Variants in ARHGAP31 observed in about 807,000 individuals in gnomAD.
ARHGAP31 encodes the protein Rho GTPase activating protein 31.
Under a neutral mutation model 113.9 loss-of-function variants are expected in ARHGAP31, and 34 were observed. The observed-to-expected ratio is 0.30, with a 90% CI of 0.23 to 0.40. The LOEUF (loss-of-function observed/expected upper bound fraction) is 0.40. ARHGAP31 is among the 10% of genes least tolerant of loss of function. The pLI, the probability that ARHGAP31 is intolerant of heterozygous loss-of-function variation, is 1.00. For synonymous variants in ARHGAP31, 650 were observed against 684.8 expected (o/e 0.95, Z 0.79); for missense variants, 1,548 against 1,767.1 (o/e 0.88, Z 2.22).
chr3:119,392,235 C>G (rs1295832137), intron 7 of ARHGAP31, among the ~76,000 whole-genome samples: 2 of 152,110 alleles, frequency 1.3e-5, no homozygotes, highest in African/African-American at 4.8e-5. Context: ...ATCGTTTGAG[C>G]CCAGGAGTTT....
In ARHGAP31 at chr3:119,294,587, GA is replaced by G. The variant is rs2079515327; in HGVS notation, c.-316del. On this transcript the variant is annotated 5_prime_UTR_variant, in exon 1 of 12. Transcript: ENST00000264245. ...CCTCTTAAGCTGAGGAGAAACACCC[GA>G]AGACACCGCAGGAGCCTGTGAAAGT... 6 of 516,174 alleles carry G rather than the reference GA, an allele frequency of 1.2e-5. No homozygotes were observed. The highest frequency in any genetic ancestry group is 3.9e-5 in the Admixed American group (1 of 25,490). The allele number at this position is 516,174 out of a possible 1,614,324, so 32.0% of individuals were successfully genotyped here.
Position 119,369,696 on chromosome 3 carries a change from A to T in ARHGAP31, c.348+1180A>T, listed in dbSNP as rs76091823. ...TCAAATGCTAATTGAAGAAAAACTAAATGCACAACTGTATATTAAGAAAGG... is the reference window on the plus strand; with the variant it reads ...TCAAATGCTAATTGAAGAAAAACTATATGCACAACTGTATATTAAGAAAGG... On this transcript the variant is annotated intron_variant, in intron 3 of 11. Transcript: ENST00000264245. Among the ~76,000 whole-genome samples, 1,252 of 152,356 alleles carry T rather than the reference A, an allele frequency of 8.2e-3. 39 individuals carry two copies. The East Asian group carries it at 0.11, about 13-fold the overall frequency.
At chr3:119,311,711 T>C (rs894548645) in intron 1 of ARHGAP31, among the ~76,000 whole-genome samples, 3 of 152,170 alleles carry the variant, frequency 2.0e-5, no homozygotes, top group African/African-American at 7.2e-5. Context: ...TTATCAGGCA[T>C]TGGATCAGCT....
chr3:119,369,536 T>C (rs2080278690), intron 3 of ARHGAP31, among the ~76,000 whole-genome samples: 1 of 152,224 alleles, frequency 6.6e-6, no homozygotes, highest in African/African-American at 2.4e-5. Flanking sequence ...TCATGGCTCC[T>C]GTAATAAATT....
At chr3:119,317,819 GATT>G (rs1386718401) in intron 1 of ARHGAP31, among the ~76,000 whole-genome samples, 1 of 152,156 alleles carries the variant, frequency 6.6e-6, no homozygotes, top group Non-Finnish European at 1.5e-5. Context: ...CATGGGGTAA[GATT>G]ATTCTCTAAG....
chr3:119,324,871 G>C (rs1024352180), intron 1 of ARHGAP31: 5 of 450,436 alleles, frequency 1.1e-5, no homozygotes, highest in Non-Finnish European at 1.8e-5. Context: ...AATAAACCAA[G>C]GTCTCTTGGT....
intron 1 of ARHGAP31, among the ~76,000 whole-genome samples, chr3:119,344,716 A>C (rs1213358945): frequency 6.7e-6 from 1 of 148,506 alleles, no homozygotes; most frequent in African/African-American, 2.5e-5. Flanking sequence ...GGCAGCCTCA[A>C]CCTCCCCCCA....
intron 1 of ARHGAP31, among the ~76,000 whole-genome samples, chr3:119,346,840 A>C (rs1216779041): frequency 6.6e-6 from 1 of 152,182 alleles, no homozygotes; most frequent in Admixed American, 6.5e-5. Flanking sequence ...TGCTGCTGTC[A>C]AGCTGGGTGA....
At chr3:119,379,863 C>T (rs1426384084) in intron 3 of ARHGAP31, among the ~76,000 whole-genome samples, 1 of 152,142 alleles carries the variant, frequency 6.6e-6, no homozygotes, top group Admixed American at 6.5e-5. Context: ...TACCATGGAC[C>T]TCAGGTTCAG....
rs1285356062 is a variant in ARHGAP31 at position 119,401,992 on chromosome 3, A to T, written c.1240A>T (p.Ser414Cys). The T allele has an allele frequency of 2.5e-6, 4 of 1,614,096 alleles. No homozygotes were observed. The Admixed American group carries it at 6.7e-5, about 27-fold the overall frequency. ...CGGGGCTGAGGGTGGCTTTGATGTGAGCAGTGATCGCAGCCATCTCCAGGG... is the reference window on the plus strand; with the variant it reads ...CGGGGCTGAGGGTGGCTTTGATGTGTGCAGTGATCGCAGCCATCTCCAGGG... ...PPGAEGGFDVSSDRSHLQGAQ... is the reference protein window; with the variant it reads ...PPGAEGGFDVCSDRSHLQGAQ... Residue 414 changes from serine to cysteine, a missense_variant, in exon 10 of 12, where the codon AGC becomes TGC. Physicochemically the swap from Ser to Cys is moderately radical, Grantham distance 112. Coordinates refer to ENST00000264245, the MANE Select transcript of ARHGAP31 (RefSeq NM_020754.4).
At chr3:119,349,387 C>T (rs776707592) in intron 1 of ARHGAP31, among the ~76,000 whole-genome samples, 5 of 152,142 alleles carry the variant, frequency 3.3e-5, no homozygotes, top group Non-Finnish European at 7.4e-5. Flanking sequence ...TTTGAGGTTA[C>T]AGTAAAAGCC....
At chr3:119,323,091 G>T (rs2079807332) in intron 1 of ARHGAP31, among the ~76,000 whole-genome samples, 1 of 152,202 alleles carries the variant, frequency 6.6e-6, no homozygotes, top group Admixed American at 6.5e-5. Flanking sequence ...TCTGCTCTGC[G>T]CGCCGCAGCT....
rs1479967009 is a variant in ARHGAP31, at chr3:119,402,011, T to C, written c.1259T>C (p.Leu420Pro). ...GFDVSSDRSHLQGAQARPPPE... is the reference protein window; with the variant it reads ...GFDVSSDRSHPQGAQARPPPE... ...GATGTGAGCAGTGATCGCAGCCATCTCCAGGGCGCTCAGGCCCGGCCCCCA... is the reference window on the plus strand; with the variant it reads ...GATGTGAGCAGTGATCGCAGCCATCCCCAGGGCGCTCAGGCCCGGCCCCCA... Residue 420 changes from leucine to proline, a missense_variant, in exon 10 of 12, where the codon CTC becomes CCC. Coordinates refer to ENST00000264245, the MANE Select transcript of ARHGAP31 (RefSeq NM_020754.4). 1.9e-6 allele frequency: 3 copies of C among 1,614,078 alleles called. No individual in the cohort carries two copies. The South Asian group carries it at 3.3e-5, about 18-fold the overall frequency.
At chr3:119,364,484 G>C (rs577588136) in intron 1 of ARHGAP31, among the ~76,000 whole-genome samples, 1 of 152,280 alleles carries the variant, frequency 6.6e-6, no homozygotes, top group East Asian at 1.9e-4. Context: ...AGTGACTTAA[G>C]TAAATTTGCC....
intron 1 of ARHGAP31, among the ~76,000 whole-genome samples, chr3:119,347,388 A>G (rs74813720): frequency 0.047 from 7,151 of 152,304 alleles, 464 homozygotes; most frequent in African/African-American, 0.14. Context: ...TCAATTAAGT[A>G]TTAATAGCGA....
chr3:119,337,221 G>A (rs114187843), intron 1 of ARHGAP31, among the ~76,000 whole-genome samples: 3,232 of 152,256 alleles, frequency 0.021, 79 homozygotes, highest in South Asian at 0.068. Flanking sequence ...TCCTTCTGAT[G>A]TTCGGACATC....
chr3:119,381,051 T>C, intron 4 of ARHGAP31, 65 bp downstream of exon 4: 1 of 1,467,116 alleles, frequency 6.8e-7, no homozygotes, highest in Non-Finnish European at 9.5e-7. Context: ...AGAGACAGGC[T>C]GGCATCATGG....
At chr3:119,396,829 T>G (rs1454936340) in intron 8 of ARHGAP31, among the ~76,000 whole-genome samples, 2 of 152,056 alleles carry the variant, frequency 1.3e-5, no homozygotes, top group Admixed American at 1.3e-4. Flanking sequence ...AGGTAAGAAA[T>G]AAAGTATAGG....
At chr3:119,408,409 C>A (rs1200350121) in intron 10 of ARHGAP31, among the ~76,000 whole-genome samples, 1 of 152,196 alleles carries the variant, frequency 6.6e-6, no homozygotes, top group Non-Finnish European at 1.5e-5. Context: ...GCTGGGCTGG[C>A]CTTGCGGTGA....
Sources: allele counts gnomAD v4.1 joint callset (sites outside exome capture counted in the v4.1 genomes callset), GRCh38; gene constraint gnomAD v4.1.1; transcripts MANE v1.5; gene names NCBI Gene and HGNC (gene_info 2026-07-23, HGNC 2026-07-21).